The following ZBTB40 variants were observed in gnomAD, a reference collection of about 807,000 sequenced individuals.
The protein encoded by ZBTB40 is zinc finger and BTB domain-containing protein 40.
A neutral mutation model predicts 117.5 loss-of-function variants in ZBTB40; 60 were observed. That is an observed-to-expected ratio of 0.51 (90% CI 0.41 to 0.63). The LOEUF is 0.63. Among genes scored for constraint, ZBTB40 ranks in the 30% least tolerant of loss-of-function variants. The pLI, the probability that ZBTB40 is intolerant of heterozygous loss-of-function variation, is 0.00. For synonymous variants in ZBTB40, 525 were observed against 577.1 expected (o/e 0.91, Z 1.29); for missense variants, 1,287 against 1,498.5 (o/e 0.86, Z 2.33).
At chr1:22,462,001 G>A (rs1641144358) in intron 1 of ZBTB40, among the ~76,000 whole-genome samples, 2 of 152,180 alleles carry the variant, frequency 1.3e-5, no homozygotes, top group South Asian at 4.1e-4. Context: ...GCACAGCCTT[G>A]AACAAGTAGG....
chr1:22,468,508 C>T (rs1641318269), intron 1 of ZBTB40, among the ~76,000 whole-genome samples: 1 of 106,372 alleles, frequency 9.4e-6, no homozygotes, highest in Admixed American at 1.3e-4. Flanking sequence ...CAGGATGTCG[C>T]TCTGTTGCGT....
intron 1 of ZBTB40, among the ~76,000 whole-genome samples, chr1:22,429,195 A>T (rs1192361275): frequency 1.3e-5 from 2 of 152,008 alleles, no homozygotes; most frequent in Non-Finnish European, 2.9e-5. Context: ...ATCCTGGCTA[A>T]CACGGTGAAA....
intron 12 of ZBTB40, among the ~76,000 whole-genome samples, chr1:22,514,550 G>A (rs1426515805): frequency 6.6e-6 from 1 of 152,022 alleles, no homozygotes; most frequent in Non-Finnish European, 1.5e-5. Context: ...CCTTTGCTGG[G>A]GACGCTTCCC....
chr1:22,438,875 A>T (rs1330766121), intron 1 of ZBTB40, among the ~76,000 whole-genome samples: 1 of 151,450 alleles, frequency 6.6e-6, no homozygotes, highest in African/African-American at 2.4e-5. Flanking sequence ...TTATTTATTT[A>T]TTTATTTTTT....
intron 1 of ZBTB40, among the ~76,000 whole-genome samples, chr1:22,435,470 ATC>A (rs144016060): frequency 2.3e-4 from 34 of 149,144 alleles, no homozygotes; most frequent in Non-Finnish European, 2.1e-4. Context: ...CTTCCCCCAC[ATC>A]TCTCTCTCTC....
chr1:22,503,749 T>C (rs191402582), intron 5 of ZBTB40, among the ~76,000 whole-genome samples: 169 of 152,376 alleles, frequency 1.1e-3, no homozygotes, highest in African/African-American at 2.5e-3. Context: ...CTGTTTTTTT[T>C]CTCCTTAGTC....
At chr1:22,501,389 G>C in intron 3 of ZBTB40, 103 bp from the exon 4 acceptor site, 1 of 1,278,944 alleles carries the variant, frequency 7.8e-7, no homozygotes, top group Non-Finnish European at 1.1e-6. Flanking sequence ...TTCAGGAGAA[G>C]CTGGCGGGAA....
intron 12 of ZBTB40, among the ~76,000 whole-genome samples, 197 bp from the exon 13 acceptor site, chr1:22,517,103 C>T (rs995080285): frequency 7.9e-5 from 12 of 152,136 alleles, no homozygotes; most frequent in African/African-American, 2.2e-4. Context: ...TCGCACCTTC[C>T]GTGTGATCGG....
Position 22,489,940 on chromosome 1 carries a change from G to C in ZBTB40, c.-9G>C, listed in dbSNP as rs777503725. On this transcript the variant is annotated 5_prime_UTR_variant, in exon 2 of 18. Transcript: ENST00000375647. Reference sequence around the variant, plus strand: ...GAGGAAGAGCAGTTCTTGGGGCAGAGTTGACGCAATGGAGCTCCCCAACTA... The same window carrying C: ...GAGGAAGAGCAGTTCTTGGGGCAGACTTGACGCAATGGAGCTCCCCAACTA... 2 of 1,609,252 alleles carry C rather than the reference G, an allele frequency of 1.2e-6. No homozygotes were observed. The highest frequency in any genetic ancestry group is 1.7e-6 in the Non-Finnish European group (2 of 1,179,932).
rs1351169122 is a variant in ZBTB40, at chr1:22,521,488, C to T, written c.3049-8C>T. ...TCTAAGACCTAACACTTGCCAAATT[C>T]CTTGCAGCAATTGTCTGGTTTGTGG... On this transcript the variant is annotated splice_region_variant and splice_polypyrimidine_tract_variant and intron_variant, in intron 14 of 17. Coordinates refer to ENST00000375647, the MANE Select transcript of ZBTB40 (RefSeq NM_014870.4). The T allele has an allele frequency of 3.7e-6, 6 of 1,614,202 alleles. No homozygotes were observed. Among genetic ancestry groups the T allele is most frequent in the Non-Finnish European group, 5.1e-6 (6 of 1,180,036 alleles).
At chr1:22,488,990 A>T (rs1352530084) in intron 1 of ZBTB40, among the ~76,000 whole-genome samples, 1 of 152,174 alleles carries the variant, frequency 6.6e-6, no homozygotes, top group Non-Finnish European at 1.5e-5. Flanking sequence ...GATATAGCGT[A>T]TGAGAAAAAG....
chr1:22,459,819 CT>C (rs1408609145), intron 1 of ZBTB40, among the ~76,000 whole-genome samples: 1 of 152,166 alleles, frequency 6.6e-6, no homozygotes, highest in African/African-American at 2.4e-5. Context: ...CATATTGACT[CT>C]TCTATCCAAG....
chr1:22,514,089 C>T (rs994412332), intron 12 of ZBTB40, among the ~76,000 whole-genome samples: 4 of 151,908 alleles, frequency 2.6e-5, no homozygotes, highest in Non-Finnish European at 4.4e-5. Flanking sequence ...AGATTGTCAG[C>T]GGTATAATGT....
chr1:22,466,231 A>C (rs1306586656), intron 1 of ZBTB40, among the ~76,000 whole-genome samples: 1 of 152,216 alleles, frequency 6.6e-6, no homozygotes, highest in Admixed American at 6.5e-5. Context: ...CTTTTTATGG[A>C]TGAATAATAT....
At chr1:22,430,822 GTT>G (rs1640570909) in intron 1 of ZBTB40, among the ~76,000 whole-genome samples, 1 of 152,058 alleles carries the variant, frequency 6.6e-6, no homozygotes, top group Non-Finnish European at 1.5e-5. Context: ...TAGAGATATA[GTT>G]TTTAGTTTTC....
At position 22,513,277 on chromosome 1, in the gene ZBTB40, C is replaced by A; in HGVS notation, c.2668+147C>A. On this transcript the variant is annotated intron_variant, in intron 12 of 17. Transcript: ENST00000375647. The surrounding 1 kb of genome is among the most constrained non-coding windows in gnomAD (Gnocchi z 4.9). ...TAAAGTCAATAATAACTTAATTGTA[C>A]ATTTTAAATACAGTGTAATTTGGAT... 1 of 881,656 alleles carries A rather than the reference C, an allele frequency of 1.1e-6. No homozygotes were observed. The highest frequency in any genetic ancestry group is 1.8e-6 in the Non-Finnish European group (1 of 558,190). 54.6% of individuals were successfully genotyped at this position (881,656 alleles called of 1,614,324 possible).
At chr1:22,508,941 C>G (rs1256422097) in intron 8 of ZBTB40, among the ~76,000 whole-genome samples, 159 bp from the exon 9 acceptor site, 1 of 152,166 alleles carries the variant, frequency 6.6e-6, no homozygotes, top group Non-Finnish European at 1.5e-5. Context: ...CATTATTATA[C>G]TCTGATTACA....
chr1:22,500,827 A>G (rs945207327), intron 3 of ZBTB40, among the ~76,000 whole-genome samples: 1 of 152,244 alleles, frequency 6.6e-6, no homozygotes, highest in East Asian at 1.9e-4. Flanking sequence ...CTTAATTGTT[A>G]CAGACTATAT....
intron 1 of ZBTB40, among the ~76,000 whole-genome samples, chr1:22,454,043 G>T (rs1237471792): frequency 1.3e-5 from 2 of 152,106 alleles, no homozygotes; most frequent in African/African-American, 4.8e-5. Flanking sequence ...TCCGCCTCCC[G>T]GGTTCAAGTG....
Sources: gnomAD v4.1 joint callset for allele counts (sites outside exome capture counted in the v4.1 genomes callset) on GRCh38, gnomAD v4.1.1 for gene constraint, Gnocchi (gnomAD v3.1) non-coding constraint, MANE v1.5 for transcripts, NCBI Gene and HGNC (gene_info 2026-07-23, HGNC 2026-07-21) for gene names.